Variants in CRLS1 observed in about 807,000 individuals in gnomAD.
The protein encoded by CRLS1 is cardiolipin synthase (CMP-forming).
A neutral mutation model predicts 37.0 loss-of-function variants in CRLS1; 24 were observed. That is an observed-to-expected ratio of 0.65 (90% CI 0.47 to 0.91). CRLS1 has a LOEUF of 0.91. Among genes scored for constraint, CRLS1 ranks in the 40% least tolerant of loss-of-function variants. CRLS1 has a pLI of 0.00. For synonymous variants in CRLS1, 135 were observed against 159.7 expected (o/e 0.85, Z 1.17); for missense variants, 373 against 395.8 (o/e 0.94, Z 0.49).
intron 3 of CRLS1, among the ~76,000 whole-genome samples, chr20:6,026,567 T>G (rs1161942012): frequency 2.0e-5 from 3 of 152,214 alleles, no homozygotes; most frequent in African/African-American, 7.2e-5. Flanking sequence ...CTTCAGATTC[T>G]ATTTTTTGTT....
upstream of CRLS1, chr20:6,006,117 T>G: frequency 2.3e-6 from 1 of 439,630 alleles, no homozygotes; most frequent in Non-Finnish European, 3.7e-6. Flanking sequence ...CTGGGGTGTG[T>G]AAAGTAGTAT....
intron 3 of CRLS1, among the ~76,000 whole-genome samples, chr20:6,026,822 C>T (rs947852660): frequency 2.0e-5 from 3 of 152,134 alleles, no homozygotes; most frequent in African/African-American, 7.2e-5. Context: ...AGGCTGGGAT[C>T]TCAGTGTTCG....
At chr20:6,036,422 A>G (rs1415064338) in intron 6 of CRLS1, among the ~76,000 whole-genome samples, 1 of 152,222 alleles carries the variant, frequency 6.6e-6, no homozygotes, top group Non-Finnish European at 1.5e-5. Flanking sequence ...GTGGGCATGC[A>G]GCATGCCATG....
chr20:6,027,336 C>G (rs568968585), intron 3 of CRLS1, among the ~76,000 whole-genome samples: 1 of 151,918 alleles, frequency 6.6e-6, no homozygotes, highest in Non-Finnish European at 1.5e-5. Flanking sequence ...CCACCTGCCT[C>G]GGCCTCCCAA....
chr20:6,037,521 A>G lies in CRLS1; in HGVS notation c.*363A>G, dbSNP rs1327233446. 2 of 161,564 alleles carry G rather than the reference A, an allele frequency of 1.2e-5. No homozygotes were observed. The highest frequency in any genetic ancestry group is 1.3e-5 in the Non-Finnish European group (1 of 74,272). 10.0% of individuals were successfully genotyped at this position (161,564 alleles called of 1,614,324 possible). On this transcript the variant is annotated 3_prime_UTR_variant, in exon 7 of 7. Transcript: ENST00000378863. Reference sequence around the variant, plus strand: ...CTTTTAAGTGAAATTTGGATTGCTCACAAAGCACTAGGAAATGTCATGGGG... The same window carrying G: ...CTTTTAAGTGAAATTTGGATTGCTCGCAAAGCACTAGGAAATGTCATGGGG...
Position 6,031,699 on chromosome 20 carries a change from A to G in CRLS1, c.661-313A>G, listed in dbSNP as rs113182883. Among the ~76,000 whole-genome samples, 51 of 152,338 alleles carry G rather than the reference A, an allele frequency of 3.3e-4. 1 individual carries two copies. Among genetic ancestry groups the G allele is most frequent in the African/African-American group, 1.1e-3 (45 of 41,576 alleles). On this transcript the variant is annotated intron_variant, in intron 4 of 6. Transcript: ENST00000378863. ...GCATATTAACCTCTTTTGGCTCCCA[A>G]TGTACTGAAAATAGAGCAGTAGAGC...
intron 2 of CRLS1, among the ~76,000 whole-genome samples, chr20:6,012,832 C>T (rs555258407): frequency 1.4e-4 from 21 of 152,242 alleles, no homozygotes; most frequent in Admixed American, 9.8e-4. Context: ...GAAAAGAAGC[C>T]AGTCAGGAAC....
chr20:6,035,112 G>T (rs1980450276), intron 6 of CRLS1, among the ~76,000 whole-genome samples: 1 of 152,090 alleles, frequency 6.6e-6, no homozygotes, highest in South Asian at 2.1e-4. Flanking sequence ...TTATATTTTG[G>T]CACAATTTTA....
rs767121816 is a variant in CRLS1 at position 6,031,380 on chromosome 20, T to C, written c.660+10T>C. On this transcript the variant is annotated intron_variant, in intron 4 of 6. Coordinates refer to ENST00000378863, the MANE Select transcript of CRLS1 (RefSeq NM_019095.6). ...AACTCTTCCAACACCAGTGAGTTTG[T>C]TTCCAAAAAGTATTCTTTTAGCATT... 31 of 1,579,972 alleles carry C rather than the reference T, an allele frequency of 2.0e-5. No individual in the cohort carries two copies. The highest frequency in any genetic ancestry group is 2.3e-5 in the South Asian group (2 of 85,946).
Position 6,039,048 on chromosome 20 carries a change from ATTG to A in CRLS1, c.*1892_*1894del, listed in dbSNP as rs1980773922. 1.3e-5 allele frequency: 2 copies of A among 152,228 alleles called. No homozygotes were observed. Among genetic ancestry groups the A allele is most frequent in the African/African-American group, 4.8e-5 (2 of 41,458 alleles). The allele number at this position is 152,228 out of a possible 1,614,324, so 9.4% of individuals were successfully genotyped here. On this transcript the variant is annotated 3_prime_UTR_variant, in exon 7 of 7. Transcript: ENST00000378863. ...TCAAAACATGATGAAAATTCATTTC[ATTG>A]TCTTCACTGAATAGACTTAACCTTG...
At chr20:6,024,499 T>A (rs752972820) in intron 3 of CRLS1, among the ~76,000 whole-genome samples, 6 of 152,200 alleles carry the variant, frequency 3.9e-5, no homozygotes, top group Non-Finnish European at 8.8e-5. Context: ...GGGTCCCCTA[T>A]CACTCTCCCT....
chr20:6,009,922 A>G lies in CRLS1; in HGVS notation c.444+10A>G, dbSNP rs2090110633. The stretch of plus-strand genomic sequence containing the variant: ...TGGACTAACAGATTTGGTAAGTTGT[A>G]AATGCACTCCCAGTTTGCTCTCCTT... On this transcript the variant is annotated intron_variant, in intron 2 of 6. Coordinates refer to ENST00000378863, the MANE Select transcript of CRLS1 (RefSeq NM_019095.6). The G allele has an allele frequency of 6.2e-7, 1 of 1,612,770 alleles. No homozygotes were observed.
At chr20:6,031,051 G>C in intron 3 of CRLS1, 1 of 383,900 alleles carries the variant, frequency 2.6e-6, no homozygotes, top group Non-Finnish European at 4.6e-6. Context: ...GGCAGATACA[G>C]ACTTCAAAGC....
In CRLS1 at chr20:6,035,221, A is replaced by G. The variant is rs568337341; in HGVS notation, c.821+666A>G. ...GGCAGTCTTTTAAAAAATGACAACT[A>G]CTCTAAACTTTTTATTTTAATTAAA... On this transcript the variant is annotated intron_variant, in intron 6 of 6. Coordinates refer to ENST00000378863, the MANE Select transcript of CRLS1 (RefSeq NM_019095.6). Among the ~76,000 whole-genome samples, 10 of 152,226 alleles carry G rather than the reference A, an allele frequency of 6.6e-5. No homozygotes were observed. The East Asian group carries it at 1.9e-3, about 29-fold the overall frequency.
upstream of CRLS1, chr20:6,005,990 TGCGCGCGCCTCCGCTG>T (rs1269849848): frequency 3.1e-6 from 1 of 322,978 alleles, no homozygotes; most frequent in Non-Finnish European, 5.6e-6. Flanking sequence ...CTGAGCCTGA[TGCGCGCGCCTCCGCTG>T]TGCCAGGGGC....
chr20:6,031,876 A>G (rs554889704), intron 4 of CRLS1, 136 bp from the exon 5 acceptor site: 20 of 553,924 alleles, frequency 3.6e-5, no homozygotes, highest in East Asian at 1.9e-4. Flanking sequence ...TTTAAAATCA[A>G]TATTCAGTAT....
chr20:6,016,375 A>G (rs1000006197), intron 3 of CRLS1, among the ~76,000 whole-genome samples: 1 of 152,206 alleles, frequency 6.6e-6, no homozygotes, highest in African/African-American at 2.4e-5. Flanking sequence ...CCAAAATAAA[A>G]AATAAATTGG....
rs748028539 is a variant in CRLS1 at position 6,012,358 on chromosome 20, T to G, written c.444+2446T>G. 9.3e-4 allele frequency among the ~76,000 whole-genome samples: 142 copies of G among 152,220 alleles called. No homozygotes were observed. The Middle Eastern group carries it at 0.014, about 15-fold the overall frequency. On this transcript the variant is annotated intron_variant, in intron 2 of 6. Transcript: ENST00000378863. Reference sequence around the variant, plus strand: ...GCAAGAGTGGAAGCAGAGTAACTGGTTAGGGGCTGGCCGTGTTCCATGGCA... The same window carrying G: ...GCAAGAGTGGAAGCAGAGTAACTGGGTAGGGGCTGGCCGTGTTCCATGGCA...
chr20:6,018,714 AG>A (rs1191835286), intron 3 of CRLS1, among the ~76,000 whole-genome samples: 1 of 152,144 alleles, frequency 6.6e-6, no homozygotes. Flanking sequence ...GGCCTCCCAA[AG>A]TTCTGGGATT....
Sources: allele counts gnomAD v4.1 joint callset (sites outside exome capture counted in the v4.1 genomes callset), GRCh38; gene constraint gnomAD v4.1.1; transcripts MANE v1.5; gene names NCBI Gene and HGNC (gene_info 2026-07-23, HGNC 2026-07-21).